The following ADGRG2 variants were observed in gnomAD, a reference collection of about 807,000 sequenced individuals.
ADGRG2 encodes G protein-coupled receptor 64.
In ADGRG2, 26 loss-of-function variants were observed where a neutral mutation model predicts 74.1. The observed-to-expected ratio is 0.35, with a 90% CI of 0.26 to 0.49. ADGRG2 has a LOEUF of 0.49. Ranked by LOEUF, ADGRG2 falls within the 20% of genes least tolerant of loss-of-function variation. The probability of loss-of-function intolerance (pLI) is 0.99; values close to 1 mark genes in which losing one functional copy is unlikely to be tolerated. For missense variants in ADGRG2, 619 were observed against 763.1 expected (o/e 0.81, Z 2.22); for synonymous variants, 296 against 295.2 (o/e 1.00, Z -0.03).
In ADGRG2 at chrX:19,007,994, G is replaced by T. The variant is rs1046994968; in HGVS notation, c.1552C>A (p.Pro518Thr). The change falls in exon 19 of 29, where the codon CCT (proline) becomes ACT (threonine). Residue 518 changes from proline to threonine, a missense_variant. Coordinates refer to ENST00000379869, the MANE Select transcript of ADGRG2 (RefSeq NM_001079858.3). ...SRVQFNFFET[P>T]ALFQDPSLEN... ...AGCAGTTTTACCTGAAACAAAGCAG[G>T]TGTTTCAAAAAAATTGAACTGAACC... 1 of 1,202,055 alleles carries T rather than the reference G, an allele frequency of 8.3e-7. No individual in the cohort carries two copies. Among genetic ancestry groups the T allele is most frequent in the Non-Finnish European group, 1.1e-6 (1 of 890,567 alleles).
chrX:19,070,899 G>A (rs987875908), intron 2 of ADGRG2, among the ~76,000 whole-genome samples: 5 of 111,796 alleles, frequency 4.5e-5, no homozygotes, highest in Admixed American at 9.5e-5. Flanking sequence ...GTGCTGTTGC[G>A]GTGAGTAAAC....
intron 2 of ADGRG2, among the ~76,000 whole-genome samples, chrX:19,078,520 G>T (rs1484246017): frequency 9.0e-6 from 1 of 111,030 alleles, no homozygotes; most frequent in African/African-American, 3.3e-5. Flanking sequence ...TCACGCCAAT[G>T]CACTGCAGCC....
At chrX:19,052,401 G>T (rs1290361057) in intron 3 of ADGRG2, among the ~76,000 whole-genome samples, 1 of 111,346 alleles carries the variant, frequency 9.0e-6, no homozygotes, top group Non-Finnish European at 1.9e-5. Context: ...GGCACAAAAA[G>T]ATGGTGGCCA....
intron 22 of ADGRG2, among the ~76,000 whole-genome samples, chrX:19,005,304 T>C (rs2060207153): frequency 8.9e-6 from 1 of 112,566 alleles, no homozygotes; most frequent in Admixed American, 9.4e-5. Flanking sequence ...CTCCCCATTC[T>C]ACCTATCTTG....
intron 3 of ADGRG2, among the ~76,000 whole-genome samples, chrX:19,049,319 T>C (rs1478572079): frequency 8.9e-6 from 1 of 111,764 alleles, no homozygotes; most frequent in Non-Finnish European, 1.9e-5. Flanking sequence ...TTAATATGTT[T>C]ATCCATATGC....
intron 28 of ADGRG2, among the ~76,000 whole-genome samples, chrX:18,994,218 G>A (rs2059974464): frequency 2.7e-5 from 3 of 111,816 alleles, no homozygotes; most frequent in Middle Eastern, 9.3e-3. Flanking sequence ...GGCTGGGCGC[G>A]GTGGCTCACA....
At chrX:19,075,189 G>C (rs1440770978) in intron 2 of ADGRG2, among the ~76,000 whole-genome samples, 1 of 98,492 alleles carries the variant, frequency 1.0e-5, no homozygotes, top group Non-Finnish European at 2.0e-5. Flanking sequence ...GGAGCCCAAA[G>C]AATCTCAATC....
At chrX:19,083,857 T>TCA (rs2061894557) in intron 1 of ADGRG2, among the ~76,000 whole-genome samples, 1 of 112,249 alleles carries the variant, frequency 8.9e-6, no homozygotes, top group African/African-American at 3.2e-5. Flanking sequence ...TGAAGATCTG[T>TCA]GATAAGAAAC....
chrX:19,114,447 C>T (rs1436472891), intron 1 of ADGRG2, among the ~76,000 whole-genome samples: 1 of 111,481 alleles, frequency 9.0e-6, no homozygotes. Context: ...ACCTGGACAT[C>T]GGTATTGATT....
intron 1 of ADGRG2, among the ~76,000 whole-genome samples, chrX:19,121,676 G>C (rs2062612066): frequency 9.1e-6 from 1 of 110,327 alleles, no homozygotes; most frequent in Non-Finnish European, 1.9e-5. Context: ...AGACCTGCGG[G>C]ATCAGAATCT....
rs200311456 is a variant in ADGRG2, at chrX:19,050,512, C to CT, written c.119-10289dup. Among the ~76,000 whole-genome samples the CT allele has an allele frequency of 6.2e-3, 690 of 111,809 alleles. 4 individuals are homozygous for CT. Among genetic ancestry groups the CT allele is most frequent in the African/African-American group, 0.021 (660 of 30,782 alleles). ...GCTACACTTGGGTTCCTTTGATTGA[C>CT]TCCTGTACACACTTAGATGGACACA... is the stretch of plus-strand genomic sequence containing the variant. On this transcript the variant is annotated intron_variant, in intron 3 of 28. Coordinates refer to ENST00000379869, the MANE Select transcript of ADGRG2 (RefSeq NM_001079858.3).
chrX:19,031,030 T>C lies in ADGRG2; in HGVS notation c.312A>G (p.Lys104=). ...IVKTFNASGV[K]PQRNICNLSS... ...ACAAATTGCAGATATTTCTCTGGGG[T>C]TTGACGCCTGCAAAGAAAACACAAC... Residue 104 remains lysine (K), a synonymous_variant, in exon 9 of 29, where the codon AAA becomes AAG. Coordinates refer to ENST00000379869, the MANE Select transcript of ADGRG2 (RefSeq NM_001079858.3). 2.5e-6 allele frequency: 3 copies of C among 1,194,195 alleles called. No homozygotes were observed. Among genetic ancestry groups the C allele is most frequent in the Non-Finnish European group, 3.4e-6 (3 of 879,804 alleles).
chrX:19,113,439 G>T (rs908049424), intron 1 of ADGRG2, among the ~76,000 whole-genome samples: 1 of 111,911 alleles, frequency 8.9e-6, no homozygotes, highest in African/African-American at 3.2e-5. Context: ...ATGTTATCAG[G>T]TCTATTGTCA....
At chrX:19,040,118 C>A in intron 4 of ADGRG2, 71 bp downstream of exon 4, 1 of 709,230 alleles carries the variant, frequency 1.4e-6, no homozygotes, top group South Asian at 2.4e-5. Flanking sequence ...TGACTACATG[C>A]CATGTTTCAT....
At chrX:19,020,584 G>A (rs760668836) in intron 14 of ADGRG2, among the ~76,000 whole-genome samples, 4 of 111,381 alleles carry the variant, frequency 3.6e-5, no homozygotes, top group South Asian at 3.8e-4. Context: ...AAACCTGCAC[G>A]TTCTGCACAT....
Position 19,006,020 on chromosome X carries a change from T to C in ADGRG2, c.1821A>G (p.Thr607=). The part of the protein sequence containing the change: ...NETICTCSHL[T]SFGVLLDLSR... ...ATATTACCAGCAGAACGCCGAAGCT[T>C]GTTAGATGGCTACAGGTACAGATGG... The change falls in exon 22 of 29, where the codon ACA becomes ACG. Residue 607 remains threonine, a synonymous_variant. Coordinates refer to ENST00000379869, the MANE Select transcript of ADGRG2 (RefSeq NM_001079858.3). 8.3e-7 allele frequency: 1 copy of C among 1,202,548 alleles called. No individual in the cohort carries two copies. Among genetic ancestry groups the C allele is most frequent in the African/African-American group, 1.7e-5 (1 of 57,564 alleles).
chrX:19,006,334 G>A (rs1473463034), intron 20 of ADGRG2, 69 bp from the exon 21 acceptor site: 7 of 743,055 alleles, frequency 9.4e-6, no homozygotes, highest in African/African-American at 4.3e-5. Context: ...AAAACTGAAA[G>A]GTATTTGAAA....
chrX:19,029,681 A>G (rs1228696934), intron 9 of ADGRG2, among the ~76,000 whole-genome samples: 1 of 79,357 alleles, frequency 1.3e-5, no homozygotes, highest in Non-Finnish European at 2.6e-5. Context: ...CTGTTACTCA[A>G]GATGACCAGT....
chrX:19,025,880 A>C (rs1184136324), intron 11 of ADGRG2, among the ~76,000 whole-genome samples: 1 of 109,847 alleles, frequency 9.1e-6, no homozygotes, highest in Non-Finnish European at 1.9e-5. Flanking sequence ...TGGGCAACAA[A>C]GTGAGACTCC....
Sources: gnomAD v4.1 joint callset for allele counts (sites outside exome capture counted in the v4.1 genomes callset) on GRCh38, gnomAD v4.1.1 for gene constraint, MANE v1.5 for transcripts, NCBI Gene and HGNC (gene_info 2026-07-23, HGNC 2026-07-21) for gene names.